Variants in PPFIA2 observed in about 807,000 individuals in gnomAD.
PPFIA2 encodes PPFI scaffold protein A2, also known as liprin-alpha-2.
In PPFIA2, 46 loss-of-function variants were observed where a neutral mutation model predicts 175.5. The observed-to-expected ratio is 0.26, with a 90% CI of 0.21 to 0.34. PPFIA2 has a LOEUF of 0.34. Ranked by LOEUF, PPFIA2 falls within the 10% of genes least tolerant of loss-of-function variation. The probability of loss-of-function intolerance (pLI) is 1.00; values close to 1 mark genes in which losing one functional copy is unlikely to be tolerated. For synonymous variants in PPFIA2, 568 were observed against 511.4 expected, an observed-to-expected ratio of 1.11 and a Z score of -1.49; for missense variants, 1,179 against 1,506.1, an observed-to-expected ratio of 0.78 and a Z score of 3.60.
At chr12:81,363,393 C>T (rs560254025) in intron 14 of PPFIA2, among the ~76,000 whole-genome samples, 1 of 151,492 alleles carries the variant, frequency 6.6e-6, no homozygotes, top group African/African-American at 2.4e-5. Flanking sequence ...GATATTGTCA[C>T]CATTATTTGT....
chr12:81,636,263 A>ATTTTTT (rs147916617), intron 4 of PPFIA2, among the ~76,000 whole-genome samples: 4 of 117,354 alleles, frequency 3.4e-5, no homozygotes, highest in South Asian at 2.8e-4. Flanking sequence ...TAACTCTCTG[A>ATTTTTT]TTTTTTTTTT....
At position 81,259,185 on chromosome 12, in the gene PPFIA2, T is replaced by C. The variant is rs1325760505; in HGVS notation, c.*509A>G. ...TCAAGGAAACATATTGATTTGACTA[T>C]TAACAATCCAAAAACTGTAAAAATG... On this transcript the variant is annotated 3_prime_UTR_variant, in exon 33 of 33. Coordinates refer to ENST00000549396, the MANE Select transcript of PPFIA2 (RefSeq NM_003625.5). 13 of 222,062 alleles carry C rather than the reference T, an allele frequency of 5.9e-5. No individual in the cohort carries two copies. The highest frequency in any genetic ancestry group is 9.0e-5 in the Non-Finnish European group (10 of 111,560). The allele number at this position is 222,062 out of a possible 1,614,324, so 13.8% of individuals were successfully genotyped here.
intron 5 of PPFIA2, among the ~76,000 whole-genome samples, chr12:81,447,059 G>T (rs570171429): frequency 2.2e-4 from 33 of 152,138 alleles, no homozygotes; most frequent in African/African-American, 7.5e-4. Context: ...AGCACTTTGG[G>T]AGGCCAAGGC....
At chr12:81,345,405 G>A (rs753259705) in intron 18 of PPFIA2, among the ~76,000 whole-genome samples, 6 of 151,450 alleles carry the variant, frequency 4.0e-5, no homozygotes, top group Non-Finnish European at 8.8e-5. Flanking sequence ...TAATTATAAT[G>A]TAATAATATT....
intron 27 of PPFIA2, among the ~76,000 whole-genome samples, chr12:81,280,484 T>C (rs2041835442): frequency 6.6e-6 from 1 of 152,132 alleles, no homozygotes; most frequent in Admixed American, 6.6e-5. Context: ...GATTAAATGT[T>C]GGACAGGAGA....
At chr12:81,509,353 A>G (rs1019175929) in intron 4 of PPFIA2, among the ~76,000 whole-genome samples, 3 of 152,152 alleles carry the variant, frequency 2.0e-5, no homozygotes, top group African/African-American at 7.2e-5. Flanking sequence ...TTCAAATTTT[A>G]TTATTGAAAG....
At chr12:81,666,324 C>T (rs1244421761) in intron 4 of PPFIA2, among the ~76,000 whole-genome samples, 1 of 152,126 alleles carries the variant, frequency 6.6e-6, no homozygotes, top group East Asian at 1.9e-4. Context: ...ATGTTTATTG[C>T]AGCACTATTC....
At chr12:81,278,332 G>C (rs1007104155) in intron 27 of PPFIA2, among the ~76,000 whole-genome samples, 2 of 152,094 alleles carry the variant, frequency 1.3e-5, no homozygotes, top group East Asian at 3.9e-4. Flanking sequence ...CACGTGGTCA[G>C]GAGTTCGAGA....
At chr12:81,434,619 T>G (rs990011733) in intron 7 of PPFIA2, among the ~76,000 whole-genome samples, 1 of 152,058 alleles carries the variant, frequency 6.6e-6, no homozygotes. Flanking sequence ...TAGGAGGGAA[T>G]AGCAGTACAT....
At chr12:81,423,138 C>A (rs1421631153) in intron 7 of PPFIA2, among the ~76,000 whole-genome samples, 1 of 152,016 alleles carries the variant, frequency 6.6e-6, no homozygotes, top group Non-Finnish European at 1.5e-5. Context: ...AATAAACCAA[C>A]CCAAATATGT....
At chr12:81,636,675 C>CAA (rs968642993) in intron 4 of PPFIA2, among the ~76,000 whole-genome samples, 1 of 151,868 alleles carries the variant, frequency 6.6e-6, no homozygotes, top group African/African-American at 2.4e-5. Flanking sequence ...TGTTTTGAGA[C>CAA]AGAGTCTTGT....
intron 4 of PPFIA2, among the ~76,000 whole-genome samples, chr12:81,633,447 G>C (rs2063623735): frequency 6.6e-6 from 1 of 151,946 alleles, no homozygotes; most frequent in Admixed American, 6.6e-5. Context: ...TTGAGAGGCA[G>C]ACATGCAGAC....
chr12:81,635,351 C>T (rs967642042), intron 4 of PPFIA2, among the ~76,000 whole-genome samples: 14 of 152,172 alleles, frequency 9.2e-5, no homozygotes, highest in African/African-American at 1.7e-4. Flanking sequence ...GGAATATATA[C>T]ACACACTCAC....
At chr12:81,367,676 A>T (rs898494988) in intron 13 of PPFIA2, among the ~76,000 whole-genome samples, 3 of 151,648 alleles carry the variant, frequency 2.0e-5, no homozygotes, top group Non-Finnish European at 4.4e-5. Flanking sequence ...AGAAATAACA[A>T]ACTCTAGCTA....
At chr12:81,417,513 A>C (rs11114855) in intron 7 of PPFIA2, among the ~76,000 whole-genome samples, 4 of 151,574 alleles carry the variant, frequency 2.6e-5, no homozygotes, top group Non-Finnish European at 4.4e-5. Flanking sequence ...AAGCAGAAAC[A>C]ATATTCATTA....
At chr12:81,518,074 G>C (rs1384554742) in intron 4 of PPFIA2, among the ~76,000 whole-genome samples, 1 of 151,948 alleles carries the variant, frequency 6.6e-6, no homozygotes, top group Non-Finnish European at 1.5e-5. Context: ...ATGTACCCTA[G>C]AACTTAAAGT....
At chr12:81,756,666 T>G (rs192642777) in intron 2 of PPFIA2, among the ~76,000 whole-genome samples, 2 of 151,840 alleles carry the variant, frequency 1.3e-5, no homozygotes, top group East Asian at 3.9e-4. Flanking sequence ...CAATAATCTA[T>G]GCTTAGAGGA....
intron 4 of PPFIA2, among the ~76,000 whole-genome samples, chr12:81,622,496 A>G (rs2062172214): frequency 6.6e-6 from 1 of 152,146 alleles, no homozygotes; most frequent in Admixed American, 6.6e-5. Flanking sequence ...TAAGGCATAT[A>G]ACAGTGGAAT....
intron 4 of PPFIA2, among the ~76,000 whole-genome samples, chr12:81,562,598 A>C (rs2070342986): frequency 6.6e-6 from 1 of 152,038 alleles, no homozygotes; most frequent in African/African-American, 2.4e-5. Context: ...CTGTAATCCC[A>C]GCACTTTGGG....
Sources: allele counts gnomAD v4.1 joint callset (sites outside exome capture counted in the v4.1 genomes callset), GRCh38; gene constraint gnomAD v4.1.1; transcripts MANE v1.5; gene names NCBI Gene and HGNC (gene_info 2026-07-23, HGNC 2026-07-21).